ALDH18A1: variants seen among roughly 807,000 people sequenced by gnomAD.
ALDH18A1 encodes aldehyde dehydrogenase 18 family member A1.
ALDH18A1 carries 44 observed loss-of-function variants against 88.8 expected under a neutral mutation model. That is an observed-to-expected ratio of 0.50 (90% CI 0.39 to 0.64). ALDH18A1 has a LOEUF of 0.64. Ranked by LOEUF, ALDH18A1 falls within the 30% of genes least tolerant of loss-of-function variation. The pLI is 0.00. For synonymous variants in ALDH18A1, 331 were observed against 372.1 expected (o/e 0.89, Z 1.27); for missense variants, 782 against 1,009.5 (o/e 0.77, Z 3.05).
chr10:95,636,995 A>G (rs899458145), intron 5 of ALDH18A1, 98 bp downstream of exon 5: 3 of 1,114,342 alleles, frequency 2.7e-6, no homozygotes, highest in Non-Finnish European at 4.0e-6. Context: ...CAAGTGATGA[A>G]GCTGACACCA....
At chr10:95,639,511 C>A (rs567431436) in intron 3 of ALDH18A1, among the ~76,000 whole-genome samples, 2 of 151,774 alleles carry the variant, frequency 1.3e-5, no homozygotes, top group Admixed American at 1.3e-4. Flanking sequence ...TTCCAGGCAA[C>A]AGACATGTTA....
chr10:95,641,312 C>T (rs977676225), intron 3 of ALDH18A1, among the ~76,000 whole-genome samples: 3 of 152,082 alleles, frequency 2.0e-5, no homozygotes, highest in Admixed American at 6.6e-5. Flanking sequence ...TGAACAGTCA[C>T]CTTAATGTGT....
chr10:95,646,949 C>A (rs995165764), intron 2 of ALDH18A1, among the ~76,000 whole-genome samples: 5 of 152,148 alleles, frequency 3.3e-5, no homozygotes, highest in African/African-American at 1.2e-4. Context: ...AGGCTGTGTT[C>A]CAGGCCTCAA....
intron 7 of ALDH18A1, 54 bp downstream of exon 7, chr10:95,632,905 A>T: frequency 1.4e-6 from 2 of 1,450,440 alleles, no homozygotes; most frequent in East Asian, 2.3e-5. Context: ...ATGTGCTCAC[A>T]TATGTAGCAT....
At chr10:95,608,174 C>T (rs2097826334) in intron 17 of ALDH18A1, among the ~76,000 whole-genome samples, 1 of 152,242 alleles carries the variant, frequency 6.6e-6, no homozygotes, top group Non-Finnish European at 1.5e-5. Flanking sequence ...CCAGCTTTCA[C>T]TCTGAGCTGG....
chr10:95,640,257 C>T (rs941843618), intron 3 of ALDH18A1, among the ~76,000 whole-genome samples: 2 of 151,880 alleles, frequency 1.3e-5, no homozygotes, highest in Admixed American at 6.6e-5. Context: ...TAGTGGCCTC[C>T]AAAAATGGCC....
chr10:95,626,122 C>T (rs961882173), intron 10 of ALDH18A1, among the ~76,000 whole-genome samples: 2 of 152,188 alleles, frequency 1.3e-5, no homozygotes, highest in East Asian at 3.9e-4. Context: ...CTTTCTCTGC[C>T]ATTGGAGTTA....
intron 17 of ALDH18A1, among the ~76,000 whole-genome samples, chr10:95,609,154 C>T (rs1179104023): frequency 1.3e-5 from 2 of 152,088 alleles, no homozygotes; most frequent in Non-Finnish European, 2.9e-5. Context: ...GAATTATAGG[C>T]GTGAGCCACT....
chr10:95,616,545 T>C lies in ALDH18A1; in HGVS notation c.1537A>G (p.Asn513Asp). 6.3e-7 allele frequency: 1 copy of C among 1,596,152 alleles called. No homozygotes were observed. The highest frequency in any genetic ancestry group is 8.5e-7 in the Non-Finnish European group (1 of 1,171,010). The change falls in exon 13 of 18, where the codon AAC becomes GAC. Residue 513 changes from asparagine (N) to aspartate (D), a missense_variant. Physicochemically the swap from Asn to Asp is conservative, Grantham distance 23. Around this residue, in one of 3 missense-constraint regions of ALDH18A1, gnomAD observed 556 missense variants for 654.5 expected, o/e 0.85. Coordinates refer to ENST00000371224, the MANE Select transcript of ALDH18A1 (RefSeq NM_002860.4). ...TGGGTCAGGAGGTGGAGAATCCGGT[T>C]GCTGTGTGCAGCCTCCTTCCCTCCT... Reference protein sequence around the residue: ...LKGGKEAAHSNRILHLLTQEA... With the variant: ...LKGGKEAAHSDRILHLLTQEA...
intron 2 of ALDH18A1, among the ~76,000 whole-genome samples, chr10:95,649,314 G>C (rs944541398): frequency 2.6e-5 from 4 of 151,526 alleles, no homozygotes; most frequent in Admixed American, 2.6e-4. Flanking sequence ...CCAGAAGTTC[G>C]AGACCAGCCA....
chr10:95,647,652 T>C (rs1250055471), intron 2 of ALDH18A1, among the ~76,000 whole-genome samples: 1 of 152,264 alleles, frequency 6.6e-6, no homozygotes, highest in Admixed American at 6.5e-5. Flanking sequence ...GAGAGGGTCC[T>C]GCCCCATACC....
intron 2 of ALDH18A1, among the ~76,000 whole-genome samples, chr10:95,652,666 C>A (rs1293262259): frequency 6.6e-6 from 1 of 151,294 alleles, no homozygotes; most frequent in Non-Finnish European, 1.5e-5. Context: ...ACCTGGGAAG[C>A]AGAGGTTGCA....
At chr10:95,609,117 TG>T (rs2097828243) in intron 17 of ALDH18A1, among the ~76,000 whole-genome samples, 1 of 152,140 alleles carries the variant, frequency 6.6e-6, no homozygotes, top group South Asian at 2.1e-4. Flanking sequence ...TCAGGTGATC[TG>T]CCCGCCTTGG....
At chr10:95,632,734 G>A (rs1006468742) in intron 7 of ALDH18A1, among the ~76,000 whole-genome samples, 6 of 152,130 alleles carry the variant, frequency 3.9e-5, no homozygotes, top group Admixed American at 6.6e-5. Flanking sequence ...GTTATTTAAG[G>A]AAAACAACTG....
chr10:95,634,871 C>T (rs3793749), intron 5 of ALDH18A1, among the ~76,000 whole-genome samples: 53,529 of 152,020 alleles, frequency 0.35, 10,073 homozygotes, highest in East Asian at 0.7. Flanking sequence ...TACGGAAGAG[C>T]GTTCTTGCTG....
chr10:95,620,975 A>G (rs1190627923), intron 12 of ALDH18A1, 56 bp downstream of exon 12: 1 of 1,533,662 alleles, frequency 6.5e-7, no homozygotes, highest in Non-Finnish European at 9.0e-7. Flanking sequence ...TCTTCCTCCA[A>G]TATCCACACC....
chr10:95,628,296 C>T, intron 8 of ALDH18A1, 72 bp downstream of exon 8: 1 of 1,605,892 alleles, frequency 6.2e-7, no homozygotes, highest in Non-Finnish European at 8.5e-7. Flanking sequence ...CAAATAATTA[C>T]AAAAGTAAAA....
chr10:95,607,339 TAGAA>T (rs1271256511), intron 17 of ALDH18A1, among the ~76,000 whole-genome samples: 1 of 152,208 alleles, frequency 6.6e-6, no homozygotes, highest in Non-Finnish European at 1.5e-5. Flanking sequence ...CTTTAAATCT[TAGAA>T]AGAAAGGGAC....
In ALDH18A1 at chr10:95,611,240, G is replaced by A. The variant is rs1403778841; in HGVS notation, c.2110+16C>T. On this transcript the variant is annotated intron_variant, in intron 16 of 17. Coordinates refer to ENST00000371224, the MANE Select transcript of ALDH18A1 (RefSeq NM_002860.4). ...CAAAGGCAGACACTGTATGCGGGAA[G>A]CATCTGGACACTGACCGTCCTCTGT... 1.1e-5 allele frequency: 18 copies of A among 1,613,340 alleles called. No homozygotes were observed. The highest frequency in any genetic ancestry group is 2.2e-5 in the East Asian group (1 of 44,892).
Sources: gnomAD v4.1 joint callset for allele counts (sites outside exome capture counted in the v4.1 genomes callset) on GRCh38, gnomAD v4.1.1 for gene constraint, gnomAD v4.1.1 regional missense constraint, MANE v1.5 for transcripts, NCBI Gene and HGNC (gene_info 2026-07-23, HGNC 2026-07-21) for gene names.